TMEM132E: variants seen among roughly 807,000 people sequenced by gnomAD.
The protein encoded by TMEM132E is transmembrane protein 132E.
TMEM132E carries 49 observed loss-of-function variants against 78.5 expected under a neutral mutation model. The observed-to-expected ratio is 0.62, with a 90% CI of 0.50 to 0.79. TMEM132E has a LOEUF of 0.79. Among genes scored for constraint, TMEM132E ranks in the 30% least tolerant of loss-of-function variants. The pLI is 0.00. For missense variants in TMEM132E, 1,403 were observed against 1,470.9 expected, an observed-to-expected ratio of 0.95 and a Z score of 0.75; for synonymous variants, 715 against 670.6, an observed-to-expected ratio of 1.07 and a Z score of -1.02.
intron 7 of TMEM132E, 45 bp downstream of exon 7, chr17:34,635,132 C>T (rs756088299): frequency 6.6e-7 from 1 of 1,526,382 alleles, no homozygotes; most frequent in Admixed American, 2.0e-5. Context: ...GTGTCGGGAG[C>T]CTTATTTACC....
chr17:34,632,414 G>T (rs150282175), intron 5 of TMEM132E, among the ~76,000 whole-genome samples: 38 of 152,368 alleles, frequency 2.5e-4, no homozygotes, highest in African/African-American at 9.1e-4. Context: ...CCTCCAAAGC[G>T]TGGCTCTGGC....
intron 1 of TMEM132E, among the ~76,000 whole-genome samples, chr17:34,606,023 G>A (rs1489161450): frequency 2.0e-5 from 3 of 152,168 alleles, no homozygotes; most frequent in African/African-American, 7.2e-5. Context: ...GAGTATGGCC[G>A]GGTCATGCTA....
chr17:34,634,750 G>C (rs773193796), intron 6 of TMEM132E, 49 bp from the exon 7 acceptor site: 7 of 1,557,334 alleles, frequency 4.5e-6, no homozygotes, highest in Non-Finnish European at 6.1e-6. Context: ...GTACTGTGCA[G>C]GTCAGAGTCC....
chr17:34,592,281 C>A (rs1159754343), intron 1 of TMEM132E, among the ~76,000 whole-genome samples: 1 of 152,192 alleles, frequency 6.6e-6, no homozygotes, highest in Non-Finnish European at 1.5e-5. Flanking sequence ...TGCAGCCCAA[C>A]CGGGGTGGAG....
At chr17:34,589,505 A>T (rs1421181364) in intron 1 of TMEM132E, among the ~76,000 whole-genome samples, 1 of 152,214 alleles carries the variant, frequency 6.6e-6, no homozygotes, top group Non-Finnish European at 1.5e-5. Context: ...TTTACAAAAA[A>T]TCAGTTCAGG....
At chr17:34,597,731 G>T (rs1409365270) in intron 1 of TMEM132E, among the ~76,000 whole-genome samples, 1 of 152,146 alleles carries the variant, frequency 6.6e-6, no homozygotes, top group Non-Finnish European at 1.5e-5. Flanking sequence ...AGGTAGGAGG[G>T]CCCCACCAGC....
At chr17:34,608,950 A>C (rs559924909) in intron 1 of TMEM132E, among the ~76,000 whole-genome samples, 2 of 152,280 alleles carry the variant, frequency 1.3e-5, no homozygotes, top group South Asian at 4.1e-4. Context: ...AGCCTTAATC[A>C]GTCATGGCTC....
chr17:34,628,523 G>A lies in TMEM132E; in HGVS notation c.999-40G>A, dbSNP rs75502195. 8.2e-4 allele frequency: 1,324 copies of A among 1,611,414 alleles called. 8 individuals carry two copies. The African/African-American group carries it at 0.015, about 18-fold the overall frequency. Reference sequence around the variant, plus strand: ...GCCAGGCAGGCAGCTTTGGGCTGTAGCCTGACCCTCTCCCTCTTCTTCCTC... The same window carrying A: ...GCCAGGCAGGCAGCTTTGGGCTGTAACCTGACCCTCTCCCTCTTCTTCCTC... On this transcript the variant is annotated intron_variant, in intron 2 of 8. Transcript: ENST00000631683.
rs1905417743 is a variant in TMEM132E, at chr17:34,580,279, C to T, written c.-798C>T. ...GGGCAGCCCGTTCTGGCCGCGCCACCCTTGCCCCAGCCGCCGAGCGGCTGC... is the reference window on the plus strand; with the variant it reads ...GGGCAGCCCGTTCTGGCCGCGCCACTCTTGCCCCAGCCGCCGAGCGGCTGC... On this transcript the variant is annotated 5_prime_UTR_variant, in exon 1 of 9. Coordinates refer to ENST00000631683, the MANE Select transcript of TMEM132E (RefSeq NM_001304438.2). 6.6e-6 allele frequency: 1 copy of T among 152,390 alleles called. No individual in the cohort carries two copies. The highest frequency in any genetic ancestry group is 1.5e-5 in the Non-Finnish European group (1 of 68,190). 9.4% of individuals were successfully genotyped at this position (152,390 alleles called of 1,614,324 possible).
rs1370129929 is a variant in TMEM132E, at chr17:34,637,760, A to G, written c.2753A>G (p.His918Arg). The G allele has an allele frequency of 6.2e-7, 1 of 1,613,538 alleles. No individual in the cohort carries two copies. Among genetic ancestry groups the G allele is most frequent in the Non-Finnish European group, 8.5e-7 (1 of 1,179,962 alleles). ...ATCGTTTTTGTGCTGCGCTACCGGCACAAGCGCATCCCGCCCGAGGGCCAG... is the reference window on the plus strand; with the variant it reads ...ATCGTTTTTGTGCTGCGCTACCGGCGCAAGCGCATCCCGCCCGAGGGCCAG... ...NCIVFVLRYR[H>R]KRIPPEGQTS... is the part of the protein sequence containing the mutation. The change falls in exon 9 of 9, where the codon CAC becomes CGC. Residue 918 changes from histidine to arginine, a missense_variant. This residue lies in a region of TMEM132E where 888 missense variants were observed against 952.8 expected (regional missense o/e 0.93). Transcript: ENST00000631683.
chr17:34,626,676 C>T lies in TMEM132E; in HGVS notation c.617C>T (p.Ala206Val). ...PLAWFGPPAP[A>V]APPTARRKSP... ...GCCTGGTTCGGGCCCCCAGCCCCCG[C>T]TGCGCCACCCACGGCCCGCCGCAAG... The change falls in exon 2 of 9, where the codon GCT becomes GTT. Residue 206 changes from alanine to valine, a missense_variant. By Grantham distance (64) the Ala-to-Val change is moderately conservative (BLOSUM62 0). Transcript: ENST00000631683. The T allele has an allele frequency of 7.1e-7, 1 of 1,404,562 alleles. No individual in the cohort carries two copies. The highest frequency in any genetic ancestry group is 9.3e-7 in the Non-Finnish European group (1 of 1,075,992). The allele number at this position is 1,404,562 out of a possible 1,614,324, so 87.0% of individuals were successfully genotyped here.
chr17:34,636,511 A>T (rs991114735), intron 8 of TMEM132E, among the ~76,000 whole-genome samples: 2 of 152,218 alleles, frequency 1.3e-5, no homozygotes, highest in Non-Finnish European at 2.9e-5. Context: ...AGCCCCAAGT[A>T]TACACCACAG....
chr17:34,637,347 G>A lies in TMEM132E; in HGVS notation c.2340G>A (p.Gly780=). Residue 780 remains glycine (G), a synonymous_variant, in exon 9 of 9, where the codon GGG becomes GGA. Transcript: ENST00000631683. ...PLVVAEAEGS[G]ELLRAELTIA... is the part of the protein sequence containing the mutation. Reference sequence around the variant, plus strand: ...TAGTGGCTGAGGCCGAGGGGTCAGGGGAGCTGCTTCGCGCAGAGCTAACCA... The same window carrying A: ...TAGTGGCTGAGGCCGAGGGGTCAGGAGAGCTGCTTCGCGCAGAGCTAACCA... 1 of 1,614,008 alleles carries A rather than the reference G, an allele frequency of 6.2e-7. No homozygotes were observed. Among genetic ancestry groups the A allele is most frequent in the Middle Eastern group, 1.6e-4 (1 of 6,062 alleles).
chr17:34,588,411 G>C, intron 1 of TMEM132E, among the ~76,000 whole-genome samples: 1 of 152,306 alleles, frequency 6.6e-6, no homozygotes, highest in South Asian at 2.1e-4. Context: ...GAGTCTGTCT[G>C]GGAGGTGATG....
At chr17:34,613,211 A>ACACACACGCGCGCGCGCGCGCG in intron 1 of TMEM132E, among the ~76,000 whole-genome samples, 4 of 115,852 alleles carry the variant, frequency 3.5e-5, no homozygotes, top group Non-Finnish European at 7.3e-5. Flanking sequence ...ACACACACAC[A>ACACACACGCGCGCGCGCGCGCG]CGCGCGCGCG....
intron 1 of TMEM132E, among the ~76,000 whole-genome samples, chr17:34,608,355 C>T (rs1906483760): frequency 6.6e-6 from 1 of 152,192 alleles, no homozygotes; most frequent in African/African-American, 2.4e-5. Flanking sequence ...GTTCCAGATC[C>T]ATCATCTACT....
chr17:34,633,996 C>T (rs1262747526), intron 6 of TMEM132E, among the ~76,000 whole-genome samples: 2 of 152,164 alleles, frequency 1.3e-5, no homozygotes, highest in African/African-American at 2.4e-5. Flanking sequence ...GTAAAATGGG[C>T]ACAATAACAC....
Position 34,637,592 on chromosome 17 carries a change from C to G in TMEM132E, c.2585C>G (p.Pro862Arg). 6.2e-7 allele frequency: 1 copy of G among 1,601,176 alleles called. No homozygotes were observed. Among genetic ancestry groups the G allele is most frequent in the Non-Finnish European group, 8.5e-7 (1 of 1,176,962 alleles). Reference protein sequence around the residue: ...PEAPGPGTASPVVPPTEDFLP... With the variant: ...PEAPGPGTASRVVPPTEDFLP... The stretch of plus-strand genomic sequence containing the variant: ...GCTCCAGGCCCGGGCACCGCCAGCC[C>G]CGTCGTGCCACCCACAGAAGACTTC... The change falls in exon 9 of 9, where the codon CCC becomes CGC. Residue 862 changes from proline to arginine, a missense_variant. Physicochemically the swap from Pro to Arg is moderately radical, Grantham distance 103 (BLOSUM62 -2). Around this residue, in one of 3 missense-constraint regions of TMEM132E, gnomAD observed 888 missense variants for 952.8 expected, o/e 0.93. Coordinates refer to ENST00000631683, the MANE Select transcript of TMEM132E (RefSeq NM_001304438.2).
At chr17:34,583,385 C>A (rs1392227944) in intron 1 of TMEM132E, among the ~76,000 whole-genome samples, 2 of 152,216 alleles carry the variant, frequency 1.3e-5, no homozygotes. Context: ...AGGGTGCCAG[C>A]AGATACTTAA....
Sources: allele counts gnomAD v4.1 joint callset (sites outside exome capture counted in the v4.1 genomes callset), GRCh38; gene constraint gnomAD v4.1.1; regional missense constraint gnomAD v4.1.1; transcripts MANE v1.5; gene names NCBI Gene and HGNC (gene_info 2026-07-23, HGNC 2026-07-21).